ARFGEF1: variants seen among roughly 807,000 people sequenced by gnomAD.
ARFGEF1 encodes the protein ARF guanine nucleotide exchange factor 1.
ARFGEF1 carries 42 observed loss-of-function variants against 231.0 expected under a neutral mutation model. The ratio of observed to expected loss-of-function variants is 0.18; its 90% CI spans 0.14 to 0.24. The LOEUF is 0.24. ARFGEF1 is among the 10% of genes least tolerant of loss of function. The pLI is 1.00. For missense variants in ARFGEF1, 1,345 were observed against 2,192.0 expected, an observed-to-expected ratio of 0.61 and a Z score of 7.72; for synonymous variants, 710 against 732.3, an observed-to-expected ratio of 0.97 and a Z score of 0.49.
At position 67,203,146 on chromosome 8, in the gene ARFGEF1, A is replaced by C. The variant is rs1460740152; in HGVS notation, c.5065T>G (p.Ser1689Ala). The change falls in exon 36 of 39, where the codon TCA becomes GCA. Residue 1689 changes from serine (S) to alanine (A), a missense_variant. This residue lies in a region of ARFGEF1 where 161 missense variants were observed against 284.9 expected (regional missense o/e 0.57). Transcript: ENST00000262215. Reference protein sequence around the residue: ...LFKLLDCLLESHRFAKAFNSN... With the variant: ...LFKLLDCLLEAHRFAKAFNSN... ...TTAAACGCTTTTGCAAATCTATGTG[A>C]CTCTAATAAGCAGTCCAGTAGCTTA... 6.2e-7 allele frequency: 1 copy of C among 1,614,058 alleles called. No homozygotes were observed. Among genetic ancestry groups the C allele is most frequent in the Admixed American group, 1.7e-5 (1 of 60,012 alleles).
intron 7 of ARFGEF1, 110 bp from the exon 8 acceptor site, chr8:67,277,567 A>G: frequency 1.0e-6 from 1 of 958,998 alleles, no homozygotes; most frequent in South Asian, 1.6e-5. Flanking sequence ...AATGTGAAGT[A>G]AAATATGTAT....
downstream of ARFGEF1, chr8:67,195,499 G>A (rs1241589485): frequency 1.7e-5 from 28 of 1,614,202 alleles, no homozygotes; most frequent in South Asian, 4.4e-5. Flanking sequence ...ACGCTGAAAC[G>A]TTTCATGGCA....
downstream of ARFGEF1, chr8:67,193,397 C>G: frequency 6.9e-7 from 1 of 1,442,476 alleles, no homozygotes; most frequent in South Asian, 1.2e-5. Context: ...ATGCCTGGCC[C>G]TGATTCACTG....
At chr8:67,181,405 GA>G (rs1833009952) in intron 5 of ARFGEF1, among the ~76,000 whole-genome samples, 1 of 149,416 alleles carries the variant, frequency 6.7e-6, no homozygotes, top group South Asian at 2.1e-4. Context: ...CGGAGAGAAG[GA>G]AAGATAAAAC....
downstream of ARFGEF1, chr8:67,175,459 T>C (rs1831376176): frequency 6.2e-7 from 1 of 1,613,132 alleles, no homozygotes. Flanking sequence ...CATTGCTGTG[T>C]CAAATAGTAT....
In ARFGEF1 at chr8:67,244,274, G is replaced by A. The variant is rs1587122757; in HGVS notation, c.2851-3984C>T. On this transcript the variant is annotated intron_variant, in intron 19 of 38. Coordinates refer to ENST00000262215, the MANE Select transcript of ARFGEF1 (RefSeq NM_006421.5). The stretch of plus-strand genomic sequence containing the variant: ...AAAAAAAAAAAAAAAAAAAACATTC[G>A]ACTACTGAGTCTCTCGTCTCTCTCT... Among the ~76,000 whole-genome samples the A allele has an allele frequency of 3.4e-4, 4 of 11,704 alleles. 2 individuals are homozygous for A. The highest frequency in any genetic ancestry group is 5.2e-4 in the Non-Finnish European group (4 of 7,668). 7.7% of individuals were successfully genotyped at this position (11,704 alleles called of 152,430 possible).
At chr8:67,287,635 T>C (rs1353268855) in intron 7 of ARFGEF1, among the ~76,000 whole-genome samples, 1 of 152,216 alleles carries the variant, frequency 6.6e-6, no homozygotes, top group Admixed American at 6.5e-5. Context: ...CACTTATCCA[T>C]ATTTTTGTCT....
chr8:67,280,358 T>C (rs907237591), intron 7 of ARFGEF1, among the ~76,000 whole-genome samples: 10 of 152,206 alleles, frequency 6.6e-5, no homozygotes, highest in African/African-American at 2.4e-4. Flanking sequence ...ATTTGTTTAG[T>C]AGGTCTCCTA....
intron 6 of ARFGEF1, among the ~76,000 whole-genome samples, chr8:67,291,418 A>AT (rs1587237313): frequency 7.9e-6 from 1 of 126,864 alleles, no homozygotes; most frequent in Non-Finnish European, 1.7e-5. Flanking sequence ...TAATTTCAGT[A>AT]CTTTTTTTTT....
At chr8:67,276,379 C>A (rs1368956227) in intron 8 of ARFGEF1, among the ~76,000 whole-genome samples, 1 of 152,074 alleles carries the variant, frequency 6.6e-6, no homozygotes, top group East Asian at 1.9e-4. Context: ...CATACTATTA[C>A]TGACAAAAAA....
chr8:67,209,540 A>C (rs974897925), intron 34 of ARFGEF1, among the ~76,000 whole-genome samples: 1 of 152,064 alleles, frequency 6.6e-6, no homozygotes, highest in Non-Finnish European at 1.5e-5. Flanking sequence ...ATGCCACTGA[A>C]TTATTATTCA....
At chr8:67,209,688 A>C (rs577933371) in intron 34 of ARFGEF1, among the ~76,000 whole-genome samples, 3 of 152,284 alleles carry the variant, frequency 2.0e-5, no homozygotes, top group African/African-American at 4.8e-5. Context: ...AACTGAATTG[A>C]TCCAGTAAAA....
intron 1 of ARFGEF1, among the ~76,000 whole-genome samples, chr8:67,335,235 A>G (rs1266631420): frequency 1.3e-5 from 2 of 150,696 alleles, no homozygotes; most frequent in East Asian, 3.9e-4. Context: ...CCTCCCAAGT[A>G]GCTAGGACTA....
In ARFGEF1 at chr8:67,224,980, C is replaced by T. The variant is rs61758875; in HGVS notation, c.4131G>A (p.Val1377=). 7,437 of 1,606,938 alleles carry T rather than the reference C, an allele frequency of 4.6e-3. 298 individuals carry two copies. In the African/African-American group the frequency reaches 0.086, roughly 19 times the overall value. Residue 1377 remains valine, a synonymous_variant, in exon 29 of 39, where the codon GTG becomes GTA. Coordinates refer to ENST00000262215, the MANE Select transcript of ARFGEF1 (RefSeq NM_006421.5). ...GAATTGGGAACCATCCTCTCACCCA[C>T]ACCCTGTCTTCAGGTGCTACGTTCA... The part of the protein sequence containing the change: ...DDMNVAPEDR[V]WVRGWFPILF...
chr8:67,289,284 G>C (rs1427036317), intron 6 of ARFGEF1, among the ~76,000 whole-genome samples: 1 of 151,934 alleles, frequency 6.6e-6, no homozygotes, highest in Non-Finnish European at 1.5e-5. Flanking sequence ...TGAGCACAGG[G>C]GGGGTCACAC....
chr8:67,239,610 C>G lies in ARFGEF1; in HGVS notation c.2979+552G>C, dbSNP rs7846512. ...CAAAAACATGATTTATACATTTGCTCATTTTCTCCACAGCTACGCTATACT... is the reference window on the plus strand; with the variant it reads ...CAAAAACATGATTTATACATTTGCTGATTTTCTCCACAGCTACGCTATACT... On this transcript the variant is annotated intron_variant, in intron 20 of 38. Coordinates refer to ENST00000262215, the MANE Select transcript of ARFGEF1 (RefSeq NM_006421.5). Among the ~76,000 whole-genome samples the G allele has an allele frequency of 8.6e-3, 1,307 of 151,764 alleles. 16 individuals carry two copies. Among genetic ancestry groups the G allele is most frequent in the African/African-American group, 0.03 (1,232 of 41,430 alleles).
rs374129705 is a variant in ARFGEF1 at position 67,179,847 on chromosome 8, A to G, written c.561-4275T>C. The G allele has an allele frequency of 6.4e-6, 10 of 1,559,252 alleles. No homozygotes were observed. In the African/African-American group the frequency reaches 6.8e-5, roughly 11 times the overall value. On this transcript the variant is annotated intron_variant, in intron 5 of 5. Coordinates refer to the ARFGEF1 transcript ENST00000518789. Reference sequence around the variant, plus strand: ...CAAAACTAATAAAAATAGTCATTGAAACATGTTTCTTTTAGCCCAGAGATG... The same window carrying G: ...CAAAACTAATAAAAATAGTCATTGAGACATGTTTCTTTTAGCCCAGAGATG...
chr8:67,255,052 A>G, intron 17 of ARFGEF1, among the ~76,000 whole-genome samples: 1 of 152,252 alleles, frequency 6.6e-6, no homozygotes, highest in East Asian at 1.9e-4. Context: ...TAAGCATGGC[A>G]AAATGTTTTA....
chr8:67,297,956 C>A (rs1477346822), intron 4 of ARFGEF1, among the ~76,000 whole-genome samples: 2 of 152,154 alleles, frequency 1.3e-5, no homozygotes, highest in East Asian at 1.9e-4. Context: ...GCACACATCA[C>A]CACATCTGGC....
Sources: allele counts gnomAD v4.1 joint callset (sites outside exome capture counted in the v4.1 genomes callset), GRCh38; gene constraint gnomAD v4.1.1; regional missense constraint gnomAD v4.1.1; transcripts MANE v1.5; gene names NCBI Gene and HGNC (gene_info 2026-07-23, HGNC 2026-07-21).